SLC13A1: variants seen among roughly 807,000 people sequenced by gnomAD.
The protein encoded by SLC13A1 is Na(+)/sulfate cotransporter.
SLC13A1 carries 65 observed loss-of-function variants against 70.0 expected under a neutral mutation model. The observed-to-expected ratio is 0.93, with a 90% CI of 0.76 to 1.14. SLC13A1 has a LOEUF of 1.14. Among genes scored for constraint, SLC13A1 ranks in the 50% most tolerant of loss-of-function variants. The pLI, the probability that SLC13A1 is intolerant of heterozygous loss-of-function variation, is 0.00. For missense variants in SLC13A1, 726 were observed against 717.8 expected, an observed-to-expected ratio of 1.01 and a Z score of -0.13; for synonymous variants, 275 against 250.5, an observed-to-expected ratio of 1.10 and a Z score of -0.92.
At chr7:123,171,650 A>C in intron 3 of SLC13A1, 118 bp downstream of exon 3, 8 of 1,048,580 alleles carry the variant, frequency 7.6e-6, no homozygotes, top group Non-Finnish European at 1.1e-5. Context: ...AAAAAACGTC[A>C]TAAGTCAGAC....
At chr7:123,148,340 A>AT (rs1217427502) in intron 6 of SLC13A1, 30 of 332,144 alleles carry the variant, frequency 9.0e-5, no homozygotes, top group Admixed American at 5.6e-4. Context: ...GGCCTCACAG[A>AT]TTTTTTATCT....
At chr7:123,197,102 C>T (rs914356709) in intron 1 of SLC13A1, among the ~76,000 whole-genome samples, 17 of 152,112 alleles carry the variant, frequency 1.1e-4, no homozygotes, top group African/African-American at 2.7e-4. Flanking sequence ...GTCTATTCTC[C>T]GTCCCTGTTA....
rs535016732 is a variant in SLC13A1 at position 123,169,080 on chromosome 7, G to A, written c.553+68C>T. ...GATGGTTAATTCAAAATACAACTTA[G>A]AATTCTTGAGTTTATGTCTATTGCT... On this transcript the variant is annotated intron_variant, in intron 4 of 14. Coordinates refer to ENST00000194130, the MANE Select transcript of SLC13A1 (RefSeq NM_022444.4). The A allele has an allele frequency of 1.5e-5, 22 of 1,440,662 alleles. No individual in the cohort carries two copies. In the South Asian group the frequency reaches 2.7e-4, roughly 18 times the overall value. 89.2% of individuals were successfully genotyped at this position (1,440,662 alleles called of 1,614,324 possible).
At chr7:123,161,564 A>G (rs375422441) in intron 6 of SLC13A1, among the ~76,000 whole-genome samples, 1 of 152,166 alleles carries the variant, frequency 6.6e-6, no homozygotes, top group East Asian at 1.9e-4. Context: ...GCGATACAGA[A>G]TGGACAGAGG....
At chr7:123,171,165 T>C (rs796795377) in intron 3 of SLC13A1, among the ~76,000 whole-genome samples, 64 of 152,340 alleles carry the variant, frequency 4.2e-4, no homozygotes, top group African/African-American at 1.4e-3. Flanking sequence ...CTTACATTCA[T>C]GTTCTTAGCA....
At chr7:123,165,338 G>A (rs1302610956) in intron 6 of SLC13A1, among the ~76,000 whole-genome samples, 7 of 152,048 alleles carry the variant, frequency 4.6e-5, no homozygotes, top group East Asian at 1.9e-4. Flanking sequence ...ACATTCAAAA[G>A]CCTCGCTTTC....
chr7:123,176,284 G>T (rs1488081858), intron 2 of SLC13A1, among the ~76,000 whole-genome samples: 1 of 152,202 alleles, frequency 6.6e-6, no homozygotes, highest in African/African-American at 2.4e-5. Flanking sequence ...GCCTCAGGCA[G>T]ATGTGTTTGT....
intron 2 of SLC13A1, among the ~76,000 whole-genome samples, chr7:123,172,733 G>T (rs927954656): frequency 1.3e-5 from 2 of 152,154 alleles, no homozygotes; most frequent in Admixed American, 1.3e-4. Context: ...AGAACTTTAA[G>T]CAACCATTTG....
At chr7:123,146,793 C>T (rs1794368696) in intron 7 of SLC13A1, among the ~76,000 whole-genome samples, 1 of 152,188 alleles carries the variant, frequency 6.6e-6, no homozygotes, top group South Asian at 2.1e-4. Flanking sequence ...CTTAAGTTCA[C>T]ATGTTGGTCC....
chr7:123,185,817 A>G (rs1217365418), intron 1 of SLC13A1, among the ~76,000 whole-genome samples: 1 of 152,030 alleles, frequency 6.6e-6, no homozygotes, highest in African/African-American at 2.4e-5. Flanking sequence ...TTTAATGGGT[A>G]GGGTAGCCAT....
intron 1 of SLC13A1, among the ~76,000 whole-genome samples, chr7:123,189,899 C>A (rs1033911440): frequency 1.3e-5 from 2 of 151,910 alleles, no homozygotes; most frequent in Admixed American, 6.6e-5. Flanking sequence ...GTTGTTTGTA[C>A]TTACAAATGC....
chr7:123,188,908 G>A (rs887059387), intron 1 of SLC13A1, among the ~76,000 whole-genome samples: 7 of 151,640 alleles, frequency 4.6e-5, no homozygotes, highest in Non-Finnish European at 7.4e-5. Context: ...GAGGTCAGGA[G>A]ATCGAGACCA....
intron 6 of SLC13A1, among the ~76,000 whole-genome samples, chr7:123,165,617 G>A (rs1212536681): frequency 6.6e-6 from 1 of 151,964 alleles, no homozygotes; most frequent in African/African-American, 2.4e-5. Flanking sequence ...TTATCATATT[G>A]CCCCGCAGTT....
intron 2 of SLC13A1, among the ~76,000 whole-genome samples, chr7:123,176,244 A>G (rs1202520901): frequency 2.0e-5 from 3 of 152,208 alleles, no homozygotes; most frequent in Non-Finnish European, 4.4e-5. Context: ...TATGGTTTTC[A>G]TCAGTCAGAA....
At chr7:123,166,736 G>T (rs144023602) in intron 6 of SLC13A1, among the ~76,000 whole-genome samples, 3,038 of 152,110 alleles carry the variant, frequency 0.02, 47 homozygotes, top group Non-Finnish European at 0.03. Context: ...ATTTTTTATG[G>T]CTGCATAGTA....
rs1793662607 is a variant in SLC13A1, at chr7:123,129,058, A to G, written c.1032-112T>C. On this transcript the variant is annotated intron_variant, in intron 9 of 14. Coordinates refer to ENST00000194130, the MANE Select transcript of SLC13A1 (RefSeq NM_022444.4). ...GCAGTAGAACACTAAACACTGTAAGAACTAGATGTGTCAATAATTTGAGAG... is the reference window on the plus strand; with the variant it reads ...GCAGTAGAACACTAAACACTGTAAGGACTAGATGTGTCAATAATTTGAGAG... 20 of 752,426 alleles carry G rather than the reference A, an allele frequency of 2.7e-5. 1 individual carries two copies. The South Asian group carries it at 2.9e-4, about 11-fold the overall frequency. 46.6% of individuals were successfully genotyped at this position (752,426 alleles called of 1,614,324 possible). A position where few individuals can be genotyped will look rare whatever the true frequency, so the allele number is the denominator to read the frequency against.
chr7:123,153,393 G>A (rs1434375879), intron 6 of SLC13A1, among the ~76,000 whole-genome samples: 1 of 152,082 alleles, frequency 6.6e-6, no homozygotes, highest in African/African-American at 2.4e-5. Context: ...AAGGTTAAGA[G>A]GAGGAGTTTT....
chr7:123,119,596 A>G (rs979341662), intron 12 of SLC13A1, among the ~76,000 whole-genome samples: 2 of 152,012 alleles, frequency 1.3e-5, no homozygotes, highest in Admixed American at 6.6e-5. Context: ...TTCCTAAGTT[A>G]TATTCTGCAG....
intron 1 of SLC13A1, among the ~76,000 whole-genome samples, chr7:123,198,546 T>G (rs985490362): frequency 1.3e-5 from 2 of 152,020 alleles, no homozygotes; most frequent in Middle Eastern, 3.2e-3. Flanking sequence ...AGATTGCACC[T>G]GGTGGGAGAC....
Sources: allele counts gnomAD v4.1 joint callset (sites outside exome capture counted in the v4.1 genomes callset), GRCh38; gene constraint gnomAD v4.1.1; transcripts MANE v1.5; gene names NCBI Gene and HGNC (gene_info 2026-07-23, HGNC 2026-07-21).